BNIP1: variants seen among roughly 807,000 people sequenced by gnomAD.
BNIP1 encodes BCL2 interacting protein 1.
Under a neutral mutation model 28.5 loss-of-function variants are expected in BNIP1, and 25 were observed. That is an observed-to-expected ratio of 0.88 (90% CI 0.64 to 1.23). The LOEUF (loss-of-function observed/expected upper bound fraction) is 1.23, where lower values mean the gene tolerates loss of function less well. BNIP1 is among the 50% of genes most tolerant of loss of function. The pLI, the probability that BNIP1 is intolerant of heterozygous loss-of-function variation, is 0.00. For synonymous variants in BNIP1, 118 were observed against 101.7 expected (o/e 1.16, Z -0.96); for missense variants, 276 against 277.0 (o/e 1.00, Z 0.02).
intron 1 of BNIP1, chr5:173,145,007 T>C (rs1759791828): frequency 5.6e-6 from 1 of 178,926 alleles, no homozygotes; most frequent in South Asian, 1.2e-4. Context: ...CAGCATCCTC[T>C]GGTAGCGTCC....
chr5:173,161,701 G>T (rs1194951802), intron 5 of BNIP1: 3 of 152,188 alleles, frequency 2.0e-5, no homozygotes, highest in Non-Finnish European at 4.4e-5. Context: ...TAGGAATATG[G>T]TGTCTGGAAT....
intron 2 of BNIP1, among the ~76,000 whole-genome samples, chr5:173,153,039 C>G (rs1046796592): frequency 5.9e-5 from 9 of 151,788 alleles, no homozygotes; most frequent in African/African-American, 2.2e-4. Context: ...GGGTTTAATA[C>G]TTCTGGGTAT....
chr5:173,144,570 G>C lies in BNIP1; in HGVS notation c.25G>C (p.Val9Leu), dbSNP rs758738602. Reference protein sequence around the residue: MAAPQDVHVRICNQEIVKF... With the variant: MAAPQDVHLRICNQEIVKF... Reference sequence around the variant, plus strand: ...CATGGCGGCTCCCCAAGACGTCCACGTCCGGATCTGTAACCAAGAGATTGT... The same window carrying C: ...CATGGCGGCTCCCCAAGACGTCCACCTCCGGATCTGTAACCAAGAGATTGT... The change falls in exon 1 of 6, where the codon GTC becomes CTC. Residue 9 changes from valine to leucine, a missense_variant. By Grantham distance (32) the Val-to-Leu change is conservative. Coordinates refer to ENST00000351486, the MANE Select transcript of BNIP1 (RefSeq NM_001205.3). The C allele has an allele frequency of 6.2e-7, 1 of 1,614,176 alleles. No homozygotes were observed. Among genetic ancestry groups the C allele is most frequent in the Non-Finnish European group, 8.5e-7 (1 of 1,180,010 alleles).
At chr5:173,161,854 G>T (rs972534832) in intron 5 of BNIP1, 2 of 151,984 alleles carry the variant, frequency 1.3e-5, no homozygotes, top group South Asian at 4.1e-4. Context: ...AAAATTCTCC[G>T]TAATAATAAA....
intron 1 of BNIP1, among the ~76,000 whole-genome samples, chr5:173,145,505 C>T (rs1046323065): frequency 1.2e-4 from 18 of 152,346 alleles, no homozygotes; most frequent in Non-Finnish European, 1.8e-4. Flanking sequence ...GGGTTCCCGC[C>T]ATTCTCCTGC....
intron 1 of BNIP1, among the ~76,000 whole-genome samples, chr5:173,145,334 T>C (rs994857343): frequency 6.6e-6 from 1 of 152,224 alleles, no homozygotes; most frequent in African/African-American, 2.4e-5. Context: ...TAGGCAAGAA[T>C]TGGGAGTGTA....
chr5:173,159,116 C>T (rs1760289640), intron 4 of BNIP1, among the ~76,000 whole-genome samples: 1 of 152,112 alleles, frequency 6.6e-6, no homozygotes, highest in African/African-American at 2.4e-5. Flanking sequence ...TGGCTCACCG[C>T]AACCTCCGCC....
chr5:173,144,576 A>T lies in BNIP1; in HGVS notation c.31A>T (p.Ile11Phe). 6.2e-7 allele frequency: 1 copy of T among 1,614,156 alleles called. No homozygotes were observed. Among genetic ancestry groups the T allele is most frequent in the Non-Finnish European group, 8.5e-7 (1 of 1,180,006 alleles). Residue 11 changes from isoleucine (I) to phenylalanine (F), a missense_variant, in exon 1 of 6, where the codon ATC (isoleucine) becomes TTC (phenylalanine). Transcript: ENST00000351486. MAAPQDVHVRICNQEIVKFDL... is the reference protein window; with the variant it reads MAAPQDVHVRFCNQEIVKFDL... ...GGCTCCCCAAGACGTCCACGTCCGG[A>T]TCTGTAACCAAGAGATTGTCAAATT...
In BNIP1 at chr5:173,144,561, G is replaced by C. The variant is rs1411280160; in HGVS notation, c.16G>C (p.Asp6His). The C allele has an allele frequency of 6.2e-7, 1 of 1,614,152 alleles. No homozygotes were observed. Among genetic ancestry groups the C allele is most frequent in the Non-Finnish European group, 8.5e-7 (1 of 1,179,986 alleles). The stretch of plus-strand genomic sequence containing the variant: ...CGTCCCCAACATGGCGGCTCCCCAA[G>C]ACGTCCACGTCCGGATCTGTAACCA... MAAPQ[D>H]VHVRICNQEI... Residue 6 changes from aspartate (D) to histidine (H), a missense_variant, in exon 1 of 6, where the codon GAC (aspartate) becomes CAC (histidine). Asp to His is a moderately conservative substitution (Grantham distance 81). Coordinates refer to ENST00000351486, the MANE Select transcript of BNIP1 (RefSeq NM_001205.3).
chr5:173,144,837 T>G, intron 1 of BNIP1: 1 of 559,336 alleles, frequency 1.8e-6, no homozygotes, highest in South Asian at 2.2e-5. Context: ...CCGCCGGATC[T>G]CCCATCCCCA....
At chr5:173,151,462 T>C (rs1561595062) in intron 2 of BNIP1, 2 of 1,189,634 alleles carry the variant, frequency 1.7e-6, no homozygotes, top group Non-Finnish European at 2.3e-6. Context: ...ACTCAAGTGA[T>C]TGCCTGCCTC....
chr5:173,160,139 C>G (rs1760320847), intron 5 of BNIP1, 88 bp downstream of exon 5: 1 of 1,174,666 alleles, frequency 8.5e-7, no homozygotes, highest in African/African-American at 1.5e-5. Context: ...GCTCCTCCAC[C>G]ACAGCCCACA....
intron 2 of BNIP1, among the ~76,000 whole-genome samples, chr5:173,150,525 TC>T (rs879889135): frequency 6.6e-6 from 1 of 152,230 alleles, no homozygotes; most frequent in Admixed American, 6.5e-5. Flanking sequence ...GCTGATCTCT[TC>T]CTGCCTTCAT....
chr5:173,164,169 T>G lies in BNIP1; in HGVS notation c.*248T>G. On this transcript the variant is annotated 3_prime_UTR_variant, in exon 6 of 6. Transcript: ENST00000351486. The surrounding 1 kb of genome is among the most constrained non-coding windows in gnomAD (Gnocchi z 4.0). ...CATACGAACCGCCTCCTTCCACCAT[T>G]GTGCACTATGGGAGGCCGCTGCTGC... The G allele has an allele frequency of 2.7e-6, 1 of 365,072 alleles. No individual in the cohort carries two copies. The highest frequency in any genetic ancestry group is 8.9e-5 in the South Asian group (1 of 11,240). The allele number at this position is 365,072 out of a possible 1,614,324, so 22.6% of individuals were successfully genotyped here.
intron 3 of BNIP1, among the ~76,000 whole-genome samples, chr5:173,156,571 G>A (rs773615018): frequency 1.3e-5 from 2 of 152,024 alleles, no homozygotes; most frequent in African/African-American, 4.8e-5. Flanking sequence ...GGGCTCGGGA[G>A]GTCAAGGCTG....
intron 3 of BNIP1, among the ~76,000 whole-genome samples, chr5:173,158,525 C>T (rs561379041): frequency 8.5e-5 from 13 of 152,342 alleles, no homozygotes; most frequent in Admixed American, 3.3e-4. Flanking sequence ...AGAGCCTCCC[C>T]GTGGCGACCT....
At chr5:173,146,834 G>A (rs557672972) in intron 1 of BNIP1, 32 bp from the exon 2 acceptor site, 1 of 1,537,238 alleles carries the variant, frequency 6.5e-7, no homozygotes, top group South Asian at 1.1e-5. Flanking sequence ...ATTGCCTTGA[G>A]AAAGGCCTTT....
At chr5:173,160,519 A>G (rs2113860602) in intron 5 of BNIP1, among the ~76,000 whole-genome samples, 1 of 152,204 alleles carries the variant, frequency 6.6e-6, no homozygotes, top group East Asian at 1.9e-4. Context: ...TAGGCGTGAG[A>G]TGCCACGCCC....
rs756656154 is a variant in BNIP1, at chr5:173,158,826, G to A, written c.352G>A (p.Gly118Arg). The A allele has an allele frequency of 1.9e-6, 3 of 1,613,846 alleles. No homozygotes were observed. The highest frequency in any genetic ancestry group is 1.6e-4 in the Middle Eastern group (1 of 6,062). Residue 118 changes from glycine to arginine, a missense_variant, in exon 4 of 6, where the codon GGA becomes AGA. Transcript: ENST00000351486. Reference protein sequence around the residue: ...NLEKAELLQGGDLLRQRKTTK... With the variant: ...NLEKAELLQGRDLLRQRKTTK... ...AGAGAAAGCAGAACTTCTTCAGGGAGGAGATCTCTTAAGGCAAAGGTACCT... is the reference window on the plus strand; with the variant it reads ...AGAGAAAGCAGAACTTCTTCAGGGAAGAGATCTCTTAAGGCAAAGGTACCT...
Sources: allele counts gnomAD v4.1 joint callset (sites outside exome capture counted in the v4.1 genomes callset), GRCh38; gene constraint gnomAD v4.1.1; non-coding constraint Gnocchi (gnomAD v3.1); transcripts MANE v1.5; gene names NCBI Gene and HGNC (gene_info 2026-07-23, HGNC 2026-07-21).